Variants in ADAMTS12 observed in about 807,000 individuals in gnomAD.
The protein encoded by ADAMTS12 is ADAM metallopeptidase with thrombospondin type 1 motif 12, also known as A disintegrin and metalloproteinase with thrombospondin motifs 12.
In ADAMTS12, 118 loss-of-function variants were observed where a neutral mutation model predicts 167.8. The observed-to-expected ratio is 0.70, with a 90% CI of 0.61 to 0.82. The LOEUF is 0.82. ADAMTS12 is among the 40% of genes least tolerant of loss of function. The pLI is 0.00. For synonymous variants in ADAMTS12, 704 were observed against 716.9 expected (o/e 0.98, Z 0.29); for missense variants, 1,916 against 1,998.8 (o/e 0.96, Z 0.79).
At chr5:33,730,095 C>T (rs187043978) in intron 3 of ADAMTS12, among the ~76,000 whole-genome samples, 1 of 152,346 alleles carries the variant, frequency 6.6e-6, no homozygotes, top group East Asian at 1.9e-4. Context: ...AAGTCCTTCA[C>T]TACCCACCCA....
intron 2 of ADAMTS12, among the ~76,000 whole-genome samples, chr5:33,798,516 C>T (rs1280037497): frequency 7.0e-6 from 1 of 143,100 alleles, no homozygotes; most frequent in East Asian, 2.1e-4. Flanking sequence ...TCTCGGCTCA[C>T]TGCAATCTCC....
chr5:33,550,993 C>T (rs902096594), intron 20 of ADAMTS12, among the ~76,000 whole-genome samples: 14 of 152,144 alleles, frequency 9.2e-5, no homozygotes, highest in African/African-American at 3.4e-4. Flanking sequence ...ATCCTTCCAT[C>T]AATGATCTCA....
chr5:33,709,705 T>G (rs1743326558), intron 3 of ADAMTS12, among the ~76,000 whole-genome samples: 1 of 150,574 alleles, frequency 6.6e-6, no homozygotes, highest in Admixed American at 6.6e-5. Context: ...GGGATTGTTG[T>G]GGGGGGATGT....
Position 33,576,655 on chromosome 5 carries a change from G to A in ADAMTS12, c.3371C>T (p.Thr1124Ile), listed in dbSNP as rs773616516. 5 of 1,613,972 alleles carry A rather than the reference G, an allele frequency of 3.1e-6. No individual in the cohort carries two copies. In the Admixed American group the frequency reaches 8.3e-5, roughly 27 times the overall value. Residue 1124 changes from threonine to isoleucine, a missense_variant, in exon 19 of 24, where the codon ACA (threonine) becomes ATA (isoleucine). Transcript: ENST00000504830. Reference protein sequence around the residue: ...TSEGGLVATTTSGSGLSSSRN... With the variant: ...TSEGGLVATTISGSGLSSSRN... ...GGAAGATGACAAGCCAGAACCACTT[G>A]TTGTTGTAGCTACAAGGCCTCCCTC...
intron 10 of ADAMTS12, among the ~76,000 whole-genome samples, chr5:33,642,170 G>A (rs1000567806): frequency 1.5e-4 from 23 of 152,180 alleles, no homozygotes; most frequent in African/African-American, 5.1e-4. Flanking sequence ...GAAACTTTAC[G>A]TTGCCTAATC....
intron 9 of ADAMTS12, among the ~76,000 whole-genome samples, chr5:33,644,663 A>G (rs1026020639): frequency 1.3e-5 from 2 of 152,054 alleles, no homozygotes; most frequent in African/African-American, 4.8e-5. Flanking sequence ...TAAGGGCTTC[A>G]GCTCACTTAG....
chr5:33,561,788 A>G (rs1409730024), intron 19 of ADAMTS12, among the ~76,000 whole-genome samples: 1 of 152,180 alleles, frequency 6.6e-6, no homozygotes, highest in Non-Finnish European at 1.5e-5. Context: ...CTCAAAAGAA[A>G]ACAACATTAA....
At chr5:33,884,388 A>G (rs1288291729) in intron 1 of ADAMTS12, among the ~76,000 whole-genome samples, 1 of 152,214 alleles carries the variant, frequency 6.6e-6, no homozygotes. Context: ...ATCCCACGTC[A>G]TGAAAATCAG....
chr5:33,762,098 A>G (rs1029097434), intron 2 of ADAMTS12, among the ~76,000 whole-genome samples: 2 of 152,190 alleles, frequency 1.3e-5, no homozygotes, highest in African/African-American at 4.8e-5. Context: ...AGGCTGAGAC[A>G]GGAGAATCGC....
chr5:33,873,795 A>G (rs1750128492), intron 2 of ADAMTS12, among the ~76,000 whole-genome samples: 1 of 152,250 alleles, frequency 6.6e-6, no homozygotes, highest in South Asian at 2.1e-4. Context: ...TGGGAAAGGC[A>G]ATGTAATGAA....
At chr5:33,532,855 A>G (rs564259199) in intron 23 of ADAMTS12, among the ~76,000 whole-genome samples, 1 of 152,358 alleles carries the variant, frequency 6.6e-6, no homozygotes, top group South Asian at 2.1e-4. Context: ...GCTGATTGAC[A>G]AGAGTCTGGG....
At chr5:33,711,465 G>T (rs1305202837) in intron 3 of ADAMTS12, among the ~76,000 whole-genome samples, 2 of 152,052 alleles carry the variant, frequency 1.3e-5, no homozygotes, top group Admixed American at 6.6e-5. Flanking sequence ...GCCTTGTAGG[G>T]CTGCAGCTGG....
At chr5:33,864,970 C>G (rs1003164671) in intron 2 of ADAMTS12, among the ~76,000 whole-genome samples, 1 of 151,832 alleles carries the variant, frequency 6.6e-6, no homozygotes, top group African/African-American at 2.4e-5. Context: ...CACACGTATC[C>G]CAGAACTTAA....
chr5:33,674,075 T>C (rs1163769424), intron 5 of ADAMTS12, among the ~76,000 whole-genome samples: 1 of 152,206 alleles, frequency 6.6e-6, no homozygotes, highest in Admixed American at 6.5e-5. Context: ...GGTTTATTCT[T>C]CTCCTTGTCT....
intron 5 of ADAMTS12, among the ~76,000 whole-genome samples, chr5:33,676,839 A>T (rs906165213): frequency 2.0e-5 from 3 of 152,160 alleles, no homozygotes; most frequent in African/African-American, 7.2e-5. Context: ...GAATTTTTAA[A>T]ATCAGCAGGC....
intron 2 of ADAMTS12, among the ~76,000 whole-genome samples, chr5:33,809,230 T>G (rs1290384757): frequency 6.6e-6 from 1 of 152,182 alleles, no homozygotes; most frequent in African/African-American, 2.4e-5. Context: ...CTGGGATAGA[T>G]TCTGCATTTC....
At chr5:33,883,532 A>G (rs1341435710) in intron 1 of ADAMTS12, among the ~76,000 whole-genome samples, 1 of 152,002 alleles carries the variant, frequency 6.6e-6, no homozygotes, top group Non-Finnish European at 1.5e-5. Flanking sequence ...ACCACATGGC[A>G]ACATGGGCAA....
chr5:33,871,790 G>A (rs1341463452), intron 2 of ADAMTS12, among the ~76,000 whole-genome samples: 2 of 152,030 alleles, frequency 1.3e-5, no homozygotes, highest in Non-Finnish European at 2.9e-5. Context: ...TGAAAGATGG[G>A]ATATCACTAC....
chr5:33,840,632 T>C (rs1561301398), intron 2 of ADAMTS12, among the ~76,000 whole-genome samples: 1 of 152,244 alleles, frequency 6.6e-6, no homozygotes, highest in Non-Finnish European at 1.5e-5. Context: ...TTGAAACTGG[T>C]TGTAGCCATG....
Sources: gnomAD v4.1 joint callset for allele counts (sites outside exome capture counted in the v4.1 genomes callset) on GRCh38, gnomAD v4.1.1 for gene constraint, MANE v1.5 for transcripts, NCBI Gene and HGNC (gene_info 2026-07-23, HGNC 2026-07-21) for gene names.